Variants in KAZN observed in about 807,000 individuals in gnomAD.
KAZN encodes kazrin, periplakin interacting protein.
In KAZN, 40 loss-of-function variants were observed where a neutral mutation model predicts 87.4. The ratio of observed to expected loss-of-function variants is 0.46; its 90% confidence interval spans 0.36 to 0.60. The LOEUF is 0.60. Among genes scored for constraint, KAZN ranks in the 20% least tolerant of loss-of-function variants. KAZN has a pLI of 0.00. For missense variants in KAZN, 898 were observed against 1,073.9 expected, an observed-to-expected ratio of 0.84 and a Z score of 2.29; for synonymous variants, 466 against 458.3, an observed-to-expected ratio of 1.02 and a Z score of -0.22.
chr1:14,895,332 G>A (rs902061578), intron 1 of KAZN, among the ~76,000 whole-genome samples: 4 of 152,252 alleles, frequency 2.6e-5, no homozygotes, highest in African/African-American at 7.2e-5. Flanking sequence ...GCCAGGAAAC[G>A]CAGACCGCCC....
intron 1 of KAZN, among the ~76,000 whole-genome samples, chr1:14,818,204 G>C (rs565195038): frequency 6.6e-6 from 1 of 152,334 alleles, no homozygotes; most frequent in South Asian, 2.1e-4. Context: ...TGGGTACTTT[G>C]TTGCCCCTTC....
chr1:14,423,008 C>A (rs1665521164), intron 2 of KAZN, among the ~76,000 whole-genome samples: 1 of 152,212 alleles, frequency 6.6e-6, no homozygotes, highest in African/African-American at 2.4e-5. Context: ...CTTTTAAGAA[C>A]AGTGAAAACT....
chr1:14,496,735 T>G (rs1284421166), intron 2 of KAZN, among the ~76,000 whole-genome samples: 1 of 151,922 alleles, frequency 6.6e-6, no homozygotes, highest in Non-Finnish European at 1.5e-5. Flanking sequence ...GAAGCATCTT[T>G]TCTGAGTTGA....
chr1:13,967,345 CTG>C (rs1279668882), intron 1 of KAZN, among the ~76,000 whole-genome samples: 1 of 152,168 alleles, frequency 6.6e-6, no homozygotes, highest in Non-Finnish European at 1.5e-5. Context: ...GAGCTGGAAA[CTG>C]AAGGACTGAT....
Position 15,101,750 on chromosome 1 carries a change from G to C in KAZN, c.1755G>C (p.Leu585=), listed in dbSNP as rs140097985. Residue 585 remains leucine, a synonymous_variant, in exon 11 of 15, where the codon CTG becomes CTC. Transcript: ENST00000376030. ...GCATCCTGCTGGGGATCGAGCTGCT[G>C]TACCAAGTGAACTTCAGCAGGGAGG... ...QVSILLGIEL[L]YQVNFSREAL... 3 of 1,583,660 alleles carry C rather than the reference G, an allele frequency of 1.9e-6. No homozygotes were observed. Among genetic ancestry groups the C allele is most frequent in the South Asian group, 2.3e-5 (2 of 86,178 alleles).
intron 1 of KAZN, among the ~76,000 whole-genome samples, chr1:14,720,684 G>C (rs1303324414): frequency 6.6e-6 from 1 of 151,924 alleles, no homozygotes; most frequent in Non-Finnish European, 1.5e-5. Context: ...CGCTCACATC[G>C]GCAGGCTTTC....
intron 2 of KAZN, among the ~76,000 whole-genome samples, chr1:14,471,082 G>A (rs756515591): frequency 3.3e-5 from 5 of 152,112 alleles, no homozygotes; most frequent in East Asian, 3.9e-4. Flanking sequence ...AACCAATATC[G>A]TGACTGCAAC....
intron 1 of KAZN, among the ~76,000 whole-genome samples, chr1:14,891,816 C>T (rs1654749497): frequency 6.6e-6 from 1 of 152,008 alleles, no homozygotes; most frequent in Non-Finnish European, 1.5e-5. Flanking sequence ...GAATTTTATG[C>T]AATGAATAGC....
intron 1 of KAZN, among the ~76,000 whole-genome samples, chr1:14,891,530 C>T (rs1490594699): frequency 2.0e-5 from 3 of 152,194 alleles, no homozygotes; most frequent in Non-Finnish European, 4.4e-5. Flanking sequence ...TGTATTTTAA[C>T]AAGCTTCCCA....
chr1:14,359,670 G>T (rs1042015598), intron 2 of KAZN, among the ~76,000 whole-genome samples: 4 of 152,122 alleles, frequency 2.6e-5, no homozygotes, highest in African/African-American at 9.7e-5. Context: ...GTCTGTAAAG[G>T]ATTTTATTTC....
chr1:13,982,622 G>A (rs918869470), intron 1 of KAZN, among the ~76,000 whole-genome samples: 5 of 152,206 alleles, frequency 3.3e-5, no homozygotes, highest in Non-Finnish European at 7.3e-5. Flanking sequence ...CTGATTGGTA[G>A]AGCCGAGTGG....
rs768646665 is a variant in KAZN at position 13,904,612 on chromosome 1, C to T, written c.91+10856C>T. On this transcript the variant is annotated intron_variant, in intron 1 of 16. Transcript: ENST00000636203. ...AAGGATGTTCCTCTGTTTCTGGTTC[C>T]TGCTGTTGCTGTTGGTCTTTGATTT... 7.0e-4 allele frequency among the ~76,000 whole-genome samples: 106 copies of T among 152,186 alleles called. 5 individuals carry two copies. The highest frequency in any genetic ancestry group is 5.3e-4 in the Non-Finnish European group (36 of 68,042).
At position 14,462,866 on chromosome 1, in the gene KAZN, A is replaced by C. The variant is rs552293085; in HGVS notation, c.250-136117A>C. Among the ~76,000 whole-genome samples the C allele has an allele frequency of 8.1e-4, 123 of 152,272 alleles. 2 individuals are homozygous for C. Among genetic ancestry groups the C allele is most frequent in the African/African-American group, 2.2e-3 (92 of 41,548 alleles). On this transcript the variant is annotated intron_variant, in intron 2 of 16. Coordinates refer to the KAZN transcript ENST00000636203. ...CAGGCTCCCTCCCATGACACGTGGA[A>C]ATTGTGGGAGCTATAATTCAAGATG... is the stretch of plus-strand genomic sequence containing the variant.
At chr1:14,910,091 A>T (rs1275919978) in intron 1 of KAZN, among the ~76,000 whole-genome samples, 5 of 152,014 alleles carry the variant, frequency 3.3e-5, no homozygotes, top group Non-Finnish European at 5.9e-5. Context: ...GAATGAATGA[A>T]TGCCTGGCCC....
chr1:14,020,241 C>G (rs1381412011), intron 1 of KAZN, among the ~76,000 whole-genome samples: 1 of 152,144 alleles, frequency 6.6e-6, no homozygotes, highest in South Asian at 2.1e-4. Context: ...TTTGCTTGCT[C>G]ACATCTCCTG....
Position 14,164,534 on chromosome 1 carries a change from C to CTT in KAZN, c.92-15879_92-15878dup, listed in dbSNP as rs1168650321. On this transcript the variant is annotated intron_variant, in intron 1 of 16. Transcript: ENST00000636203. Reference sequence around the variant, plus strand: ...TCCATTTCTGCAATGTGAGTTTCCTCTTTTTTTTTTTTTTTTTTTTTTTGA... The same window carrying CTT: ...TCCATTTCTGCAATGTGAGTTTCCTCTTTTTTTTTTTTTTTTTTTTTTTTTGA... 5.2e-3 allele frequency among the ~76,000 whole-genome samples: 486 copies of CTT among 93,778 alleles called. 29 individuals are homozygous for CTT. Among genetic ancestry groups the CTT allele is most frequent in the South Asian group, 0.015 (37 of 2,550 alleles). 61.5% of individuals were successfully genotyped at this position (93,778 alleles called of 152,430 possible). A position where few individuals can be genotyped will look rare whatever the true frequency, so the allele number is the denominator to read the frequency against.
rs188679487 is a variant in KAZN, at chr1:14,064,165, A to G, written c.92-116270A>G. 2.8e-4 allele frequency among the ~76,000 whole-genome samples: 43 copies of G among 152,240 alleles called. 1 individual carries two copies. The East Asian group carries it at 8.1e-3, about 29-fold the overall frequency. The stretch of plus-strand genomic sequence containing the variant: ...ACTCCTGACCTCATGATCCCTTGGA[A>G]GTATATGCAGTAGCTCACAGAGCAG... On this transcript the variant is annotated intron_variant, in intron 1 of 16. Coordinates refer to the KAZN transcript ENST00000636203.
In KAZN at chr1:14,773,797, G is replaced by A. The variant is rs1023154366; in HGVS notation, c.226+174574G>A. Among the ~76,000 whole-genome samples the A allele has an allele frequency of 4.6e-5, 7 of 152,144 alleles. No individual in the cohort carries two copies. Among genetic ancestry groups the A allele is most frequent in the South Asian group, 2.1e-4 (1 of 4,822 alleles). The stretch of plus-strand genomic sequence containing the variant: ...TGAACTCAGCCTTCCTGGGAGCTGC[G>A]GCAGGTCCCAGCCCAGGCCAGGCCT... On this transcript the variant is annotated intron_variant, in intron 1 of 14. Transcript: ENST00000376030. This position sits in a 1 kb window ranked among gnomAD's most constrained non-coding sequence, Gnocchi z 5.9.
At chr1:14,775,100 A>G (rs1236083675) in intron 1 of KAZN, among the ~76,000 whole-genome samples, 1 of 152,116 alleles carries the variant, frequency 6.6e-6, no homozygotes, top group Non-Finnish European at 1.5e-5. Context: ...TTTACAATAG[A>G]CAGTGCTTGG....
Sources: allele counts gnomAD v4.1 joint callset (sites outside exome capture counted in the v4.1 genomes callset), GRCh38; gene constraint gnomAD v4.1.1; non-coding constraint Gnocchi (gnomAD v3.1); transcripts MANE v1.5; gene names NCBI Gene and HGNC (gene_info 2026-07-23, HGNC 2026-07-21).